Variants in SLAIN2 observed in about 807,000 individuals in gnomAD.
The protein encoded by SLAIN2 is SLAIN motif-containing protein 2.
In SLAIN2, 31 loss-of-function variants were observed where a neutral mutation model predicts 56.6. That is an observed-to-expected ratio of 0.55 (90% CI 0.41 to 0.74). SLAIN2 has a LOEUF of 0.74. Among genes scored for constraint, SLAIN2 ranks in the 30% least tolerant of loss-of-function variants. The probability of loss-of-function intolerance (pLI) is 0.00; values close to 1 mark genes in which losing one functional copy is unlikely to be tolerated. For missense variants in SLAIN2, 777 were observed against 754.2 expected (o/e 1.03, Z -0.35); for synonymous variants, 317 against 284.9 (o/e 1.11, Z -1.13).
At position 48,382,807 on chromosome 4, in the gene SLAIN2, G is replaced by C. The variant is rs1577723948; in HGVS notation, c.1102G>C (p.Ala368Pro). ...AAATTCACCTCGTTCACGATCTCCT[G>C]CTCGGGGAATAGAATATAGTAGAGT... is the stretch of plus-strand genomic sequence containing the variant. Reference protein sequence around the residue: ...PRNSPRSRSPARGIEYSRVSP... With the variant: ...PRNSPRSRSPPRGIEYSRVSP... Residue 368 changes from alanine to proline, a missense_variant, in exon 5 of 8, where the codon GCT (alanine) becomes CCT (proline). Transcript: ENST00000264313. 6.2e-7 allele frequency: 1 copy of C among 1,613,744 alleles called. No individual in the cohort carries two copies. Among genetic ancestry groups the C allele is most frequent in the East Asian group, 2.2e-5 (1 of 44,852 alleles).
intron 4 of SLAIN2, among the ~76,000 whole-genome samples, chr4:48,380,535 C>T (rs1409471376): frequency 6.6e-6 from 1 of 152,084 alleles, no homozygotes; most frequent in Non-Finnish European, 1.5e-5. Flanking sequence ...GCCACAGATA[C>T]CTTTGAGAAT....
chr4:48,385,729 G>T (rs1716082526), intron 6 of SLAIN2, among the ~76,000 whole-genome samples: 1 of 151,454 alleles, frequency 6.6e-6, no homozygotes, highest in Admixed American at 6.6e-5. Flanking sequence ...ACCTTCCTGG[G>T]CTCAAGTGAT....
chr4:48,383,750 A>G lies in SLAIN2; in HGVS notation c.1326A>G (p.Gly442=). 1.9e-6 allele frequency: 3 copies of G among 1,612,284 alleles called. No homozygotes were observed. Among genetic ancestry groups the G allele is most frequent in the Non-Finnish European group, 2.5e-6 (3 of 1,178,886 alleles). The change falls in exon 6 of 8, where the codon GGA becomes GGG. Residue 442 remains glycine (G), a synonymous_variant. Coordinates refer to ENST00000264313, the MANE Select transcript of SLAIN2 (RefSeq NM_020846.2). ...RSDSNFQVPN[G]GIPRMQPQAS... ...ACTCAAATTTTCAAGTGCCAAACGG[A>G]GGAATACCTCGTATGCAACCTCAGG...
rs1717280242 is a variant in SLAIN2 at position 48,425,678 on chromosome 4, T to C, written c.*3601T>C. 3 of 152,206 alleles carry C rather than the reference T, an allele frequency of 2.0e-5. No individual in the cohort carries two copies. Among genetic ancestry groups the C allele is most frequent in the Admixed American group, 2.0e-4 (3 of 15,280 alleles). The allele number at this position is 152,206 out of a possible 1,614,324, so 9.4% of individuals were successfully genotyped here. ...ACTTGAAGAGCCATTTAAAATTAAA[T>C]GTCACTATACTTGTATTATAAATCA... On this transcript the variant is annotated 3_prime_UTR_variant, in exon 8 of 8. Transcript: ENST00000264313.
intron 6 of SLAIN2, among the ~76,000 whole-genome samples, chr4:48,418,152 C>T (rs1717048119): frequency 6.7e-6 from 1 of 148,788 alleles, no homozygotes; most frequent in East Asian, 1.9e-4. Flanking sequence ...CTTTCTCCTT[C>T]CTTCTCCCTC....
At chr4:48,414,289 G>C (rs1167445478) in intron 6 of SLAIN2, among the ~76,000 whole-genome samples, 1 of 152,104 alleles carries the variant, frequency 6.6e-6, no homozygotes, top group Non-Finnish European at 1.5e-5. Flanking sequence ...TTAATTTATA[G>C]GGAAAGCCTA....
chr4:48,413,090 C>T (rs531220555), intron 6 of SLAIN2, among the ~76,000 whole-genome samples: 5 of 151,984 alleles, frequency 3.3e-5, no homozygotes, highest in Non-Finnish European at 7.4e-5. Flanking sequence ...TATCCAGACC[C>T]GGTGACCTGC....
intron 6 of SLAIN2, among the ~76,000 whole-genome samples, chr4:48,384,064 A>G (rs1166424336): frequency 6.6e-6 from 1 of 152,190 alleles, no homozygotes; most frequent in Non-Finnish European, 1.5e-5. Context: ...CTATTAAAAA[A>G]GTAGGTGTAG....
In SLAIN2 at chr4:48,422,038, T is replaced by C; in HGVS notation, c.1707T>C (p.Gly569=). The part of the protein sequence containing the change: ...RRSLPAPKTY[G]SMKDDSWKDG... ...CCTTGCCAGCTCCTAAAACCTATGG[T>C]AGCATGAAAGATGACAGTTGGAAAG... Residue 569 remains glycine (G), a synonymous_variant, in exon 8 of 8, where the codon GGT becomes GGC. Coordinates refer to ENST00000264313, the MANE Select transcript of SLAIN2 (RefSeq NM_020846.2). The C allele has an allele frequency of 6.2e-7, 1 of 1,610,798 alleles. No homozygotes were observed. The highest frequency in any genetic ancestry group is 1.1e-5 in the South Asian group (1 of 90,066).
Position 48,395,803 on chromosome 4 carries a change from C to T in SLAIN2, c.1360+12019C>T, listed in dbSNP as rs1716362639. Reference sequence around the variant, plus strand: ...GGGTTTTTGTGGACTTATTTGGGAACCTTAGGCTTTTTTTTTTTTTTTTTT... The same window carrying T: ...GGGTTTTTGTGGACTTATTTGGGAATCTTAGGCTTTTTTTTTTTTTTTTTT... On this transcript the variant is annotated intron_variant, in intron 6 of 7. Coordinates refer to ENST00000264313, the MANE Select transcript of SLAIN2 (RefSeq NM_020846.2). 4.8e-5 allele frequency among the ~76,000 whole-genome samples: 4 copies of T among 82,832 alleles called. No homozygotes were observed. The South Asian group carries it at 1.5e-3, about 31-fold the overall frequency. The allele number at this position is 82,832 out of a possible 152,430, so 54.3% of individuals were successfully genotyped here.
chr4:48,341,738 G>A lies in SLAIN2; in HGVS notation c.-2G>A, dbSNP rs1379322933. On this transcript the variant is annotated 5_prime_UTR_variant, in exon 1 of 8. Transcript: ENST00000264313. ...GGAGGCGGCGGCGGCGGCGGGGCCGGGATGGAGGACGTTAACTCCAACGTG... is the reference window on the plus strand; with the variant it reads ...GGAGGCGGCGGCGGCGGCGGGGCCGAGATGGAGGACGTTAACTCCAACGTG... 6.5e-7 allele frequency: 1 copy of A among 1,531,068 alleles called. No homozygotes were observed. Among genetic ancestry groups the A allele is most frequent in the African/African-American group, 1.4e-5 (1 of 70,724 alleles). 94.8% of individuals were successfully genotyped at this position (1,531,068 alleles called of 1,614,324 possible).
rs1717216959 is a variant in SLAIN2, at chr4:48,423,441, A to C, written c.*1364A>C. On this transcript the variant is annotated 3_prime_UTR_variant, in exon 8 of 8. Transcript: ENST00000264313. Reference sequence around the variant, plus strand: ...TTTATTATGAGGTCTGTTTTTAAATACTTAATTTGAACAGCTCTAAGATAT... The same window carrying C: ...TTTATTATGAGGTCTGTTTTTAAATCCTTAATTTGAACAGCTCTAAGATAT... The C allele has an allele frequency of 6.6e-6, 1 of 152,110 alleles. No homozygotes were observed. The highest frequency in any genetic ancestry group is 2.1e-4 in the South Asian group (1 of 4,824). The allele number at this position is 152,110 out of a possible 1,614,324, so 9.4% of individuals were successfully genotyped here.
intron 6 of SLAIN2, among the ~76,000 whole-genome samples, chr4:48,416,588 C>T (rs1267248601): frequency 2.0e-5 from 3 of 148,314 alleles, no homozygotes; most frequent in African/African-American, 7.5e-5. Context: ...CCAGAACTTC[C>T]AACACTATGT....
intron 1 of SLAIN2, among the ~76,000 whole-genome samples, chr4:48,342,551 G>A (rs1157627728): frequency 1.3e-5 from 2 of 152,054 alleles, no homozygotes. Context: ...ATCACCAGGT[G>A]TGGGGGTCAG....
At chr4:48,411,498 T>C (rs1182270730) in intron 6 of SLAIN2, among the ~76,000 whole-genome samples, 1 of 152,136 alleles carries the variant, frequency 6.6e-6, no homozygotes, top group Non-Finnish European at 1.5e-5. Flanking sequence ...TACGTGAATA[T>C]CCAGTTGTCC....
intron 6 of SLAIN2, among the ~76,000 whole-genome samples, chr4:48,418,203 A>C (rs1717050104): frequency 2.0e-5 from 3 of 147,902 alleles, no homozygotes; most frequent in Non-Finnish European, 4.4e-5. Flanking sequence ...ACTGGCTAGA[A>C]TTAGTGGTAA....
In SLAIN2 at chr4:48,376,854, G is replaced by A. The variant is rs1343143010; in HGVS notation, c.539-1042G>A. ...TCTCGAGCTCCTGACCTCGTGATCC[G>A]CCCGCCTCGGCCTCCCAAAGTGCTG... On this transcript the variant is annotated intron_variant, in intron 2 of 7. Coordinates refer to ENST00000264313, the MANE Select transcript of SLAIN2 (RefSeq NM_020846.2). Among the ~76,000 whole-genome samples the A allele has an allele frequency of 2.0e-5, 3 of 148,512 alleles. No individual in the cohort carries two copies. In the South Asian group the frequency reaches 6.4e-4, roughly 31 times the overall value.
intron 2 of SLAIN2, 31 bp from the exon 3 acceptor site, chr4:48,377,865 A>G (rs1304601712): frequency 2.5e-5 from 39 of 1,587,236 alleles, no homozygotes; most frequent in African/African-American, 5.4e-5. Flanking sequence ...CTCAGTTGTT[A>G]AATTTGATTT....
intron 6 of SLAIN2, among the ~76,000 whole-genome samples, chr4:48,410,109 C>A (rs1716806341): frequency 6.6e-6 from 1 of 152,144 alleles, no homozygotes; most frequent in Non-Finnish European, 1.5e-5. Context: ...TCCTCAGTAA[C>A]ACTTGTTGTC....
Sources: gnomAD v4.1 joint callset for allele counts (sites outside exome capture counted in the v4.1 genomes callset) on GRCh38, gnomAD v4.1.1 for gene constraint, MANE v1.5 for transcripts, NCBI Gene and HGNC (gene_info 2026-07-23, HGNC 2026-07-21) for gene names.